The following KLF8 variants were observed in gnomAD, a reference collection of about 807,000 sequenced individuals.
KLF8 encodes Krueppel-like factor 8.
Under a neutral mutation model 18.2 loss-of-function variants are expected in KLF8, and 10 were observed. The observed-to-expected ratio is 0.55, with a 90% CI of 0.34 to 0.93. KLF8 has a LOEUF of 0.93. Ranked by LOEUF, KLF8 falls within the 40% of genes least tolerant of loss-of-function variation. KLF8 has a pLI of 0.02. For missense variants in KLF8, 264 were observed against 277.9 expected (o/e 0.95, Z 0.36); for synonymous variants, 109 against 97.3 (o/e 1.12, Z -0.71).
At chrX:56,162,362 C>A in the KLF8 span, among the ~76,000 whole-genome samples, 1 of 112,114 alleles carries the variant, frequency 8.9e-6, no homozygotes, top group African/African-American at 3.2e-5. Context: ...TGCCCTGCCC[C>A]GGTGCTGTAG....
chrX:56,256,534 G>T (rs2066797524), intron 2 of KLF8, among the ~76,000 whole-genome samples: 1 of 110,891 alleles, frequency 9.0e-6, no homozygotes, highest in Non-Finnish European at 1.9e-5. Context: ...TCTGTCTTCT[G>T]ATGTAGGCAC....
the KLF8 span, among the ~76,000 whole-genome samples, chrX:55,912,566 A>G: frequency 9.0e-6 from 1 of 111,417 alleles, no homozygotes; most frequent in Non-Finnish European, 1.9e-5. Flanking sequence ...CACTATTATC[A>G]TTGCCATTTT....
At chrX:55,910,213 C>T in the KLF8 span, among the ~76,000 whole-genome samples, 1 of 111,641 alleles carries the variant, frequency 9.0e-6, no homozygotes, top group African/African-American at 3.3e-5. Flanking sequence ...TTATTATATT[C>T]ATTCATTCAT....
chrX:56,197,993 G>A, the KLF8 span, among the ~76,000 whole-genome samples: 1 of 111,942 alleles, frequency 8.9e-6, no homozygotes, highest in African/African-American at 3.3e-5. Context: ...AAAACCACAT[G>A]ATTATCTCAA....
At chrX:56,118,042 G>T in the KLF8 span, among the ~76,000 whole-genome samples, 2 of 111,324 alleles carry the variant, frequency 1.8e-5, no homozygotes, top group African/African-American at 6.5e-5. Context: ...ATTCCGTGAG[G>T]GCAGAGCCCT....
the KLF8 span, among the ~76,000 whole-genome samples, chrX:56,033,963 TG>T: frequency 8.9e-6 from 1 of 112,606 alleles, no homozygotes; most frequent in South Asian, 3.6e-4. Context: ...CTTTATCAGA[TG>T]TTGGCTTGCA....
the KLF8 span, among the ~76,000 whole-genome samples, chrX:56,143,268 T>C: frequency 8.9e-6 from 1 of 112,137 alleles, no homozygotes; most frequent in Non-Finnish European, 1.9e-5. Flanking sequence ...CCTATGTCTT[T>C]CTCAGTTATC....
At chrX:56,168,621 T>C in the KLF8 span, among the ~76,000 whole-genome samples, 1 of 109,736 alleles carries the variant, frequency 9.1e-6, no homozygotes. Flanking sequence ...TTACATTAGG[T>C]ATATCTCCTA....
In KLF8 at chrX:56,269,418, A is replaced by T. The variant is rs750755209; in HGVS notation, c.687A>T (p.Pro229=). Reference sequence around the variant, plus strand: ...CCTCCATGTCTCCACTGGAAATTCCAAGTGACAGTGAGGAGAGTACAATTG... The same window carrying T: ...CCTCCATGTCTCCACTGGAAATTCCTAGTGACAGTGAGGAGAGTACAATTG... ...DPTSMSPLEI[P]SDSEESTIES... Residue 229 remains proline (P), a synonymous_variant, in exon 4 of 6, where the codon CCA becomes CCT. Coordinates refer to ENST00000468660, the MANE Select transcript of KLF8 (RefSeq NM_007250.5). 20 of 1,209,272 alleles carry T rather than the reference A, an allele frequency of 1.7e-5. No individual in the cohort carries two copies. The highest frequency in any genetic ancestry group is 1.9e-5 in the Non-Finnish European group (17 of 894,482).
At chrX:56,070,151 A>G in the KLF8 span, among the ~76,000 whole-genome samples, 5 of 111,726 alleles carry the variant, frequency 4.5e-5, no homozygotes, top group Non-Finnish European at 9.4e-5. Context: ...TAACACAGGA[A>G]CAGAAAACCA....
the KLF8 span, among the ~76,000 whole-genome samples, chrX:56,169,971 G>A: frequency 3.6e-5 from 4 of 111,561 alleles, no homozygotes; most frequent in Non-Finnish European, 5.6e-5. Context: ...CCCACCCTCA[G>A]TTGCAGGTGG....
chrX:56,153,573 G>T, the KLF8 span, among the ~76,000 whole-genome samples: 1 of 111,049 alleles, frequency 9.0e-6, no homozygotes, highest in African/African-American at 3.3e-5. Flanking sequence ...CCTGTCTCGT[G>T]CCAGTTTTCA....
At chrX:55,969,715 A>G in the KLF8 span, among the ~76,000 whole-genome samples, 1 of 111,847 alleles carries the variant, frequency 8.9e-6, no homozygotes, top group Non-Finnish European at 1.9e-5. Context: ...TGAAAAAGAG[A>G]GAAGACCCAA....
intron 1 of KLF8, among the ~76,000 whole-genome samples, chrX:56,248,744 C>T (rs889657869): frequency 9.0e-6 from 1 of 111,629 alleles, no homozygotes; most frequent in African/African-American, 3.3e-5. Flanking sequence ...CACCATCACA[C>T]CTCCTTTTCC....
chrX:56,268,797 G>T, intron 3 of KLF8: 1 of 801,988 alleles, frequency 1.2e-6, no homozygotes, highest in Non-Finnish European at 1.5e-6. Flanking sequence ...AACATCAGGG[G>T]TTGATAATAA....
the KLF8 span, among the ~76,000 whole-genome samples, chrX:56,168,010 C>A: frequency 8.9e-6 from 1 of 111,798 alleles, no homozygotes; most frequent in East Asian, 2.8e-4. Flanking sequence ...TATTTTTCCA[C>A]CAGTGGAGAT....
chrX:56,261,191 C>A, intron 2 of KLF8, among the ~76,000 whole-genome samples: 1 of 111,021 alleles, frequency 9.0e-6, no homozygotes, highest in Middle Eastern at 4.7e-3. Flanking sequence ...ATTTTTTTGT[C>A]CACTCAAATT....
the KLF8 span, among the ~76,000 whole-genome samples, chrX:56,134,976 C>T: frequency 9.0e-6 from 1 of 111,268 alleles, no homozygotes; most frequent in Admixed American, 9.6e-5. Flanking sequence ...CCACCTTACT[C>T]CCACAGTGCA....
chrX:56,013,146 T>G, the KLF8 span, among the ~76,000 whole-genome samples: 1 of 112,786 alleles, frequency 8.9e-6, no homozygotes. Context: ...ACCTCTTGCA[T>G]CAGCAAGACC....
Sources: gnomAD v4.1 joint callset for allele counts (sites outside exome capture counted in the v4.1 genomes callset) on GRCh38, gnomAD v4.1.1 for gene constraint, MANE v1.5 for transcripts, NCBI Gene and HGNC (gene_info 2026-07-23, HGNC 2026-07-21) for gene names.